GLIS1: variants seen among roughly 807,000 people sequenced by gnomAD.
GLIS1 encodes the protein zinc finger protein GLIS1.
A neutral mutation model predicts 63.8 loss-of-function variants in GLIS1; 24 were observed. That is an observed-to-expected ratio of 0.38 (90% CI 0.27 to 0.53). The LOEUF (loss-of-function observed/expected upper bound fraction) is 0.53, where lower values mean the gene tolerates loss of function less well. Ranked by LOEUF, GLIS1 falls within the 20% of genes least tolerant of loss-of-function variation. The pLI, the probability that GLIS1 is intolerant of heterozygous loss-of-function variation, is 0.85. For missense variants in GLIS1, 1,036 were observed against 1,074.1 expected, an observed-to-expected ratio of 0.96 and a Z score of 0.50; for synonymous variants, 450 against 482.5, an observed-to-expected ratio of 0.93 and a Z score of 0.88.
At position 53,600,163 on chromosome 1, in the gene GLIS1, G is replaced by A. The variant is rs1645301527; in HGVS notation, c.375C>T (p.Ser125=). The A allele has an allele frequency of 1.6e-6, 2 of 1,231,202 alleles. No homozygotes were observed. Among genetic ancestry groups the A allele is most frequent in the Admixed American group, 8.4e-5 (2 of 23,710 alleles). 76.3% of individuals were successfully genotyped at this position (1,231,202 alleles called of 1,614,324 possible). A position where few individuals can be genotyped will look rare whatever the true frequency, so the allele number is the denominator to read the frequency against. Residue 125 remains serine, a synonymous_variant, in exon 3 of 11, where the codon AGC becomes AGT. Coordinates refer to ENST00000628545, the MANE Select transcript of GLIS1 (RefSeq NM_001367484.1). The part of the protein sequence containing the change: ...CCQGLFLPAG[S]PPPRAHPQAC... ...CTTGGGGGTGAGCCCGGGGCGGTGG[G>A]CTTCCTGCAGGGAGAAACAGGCCCT...
chr1:53,597,624 A>G (rs1645272484), intron 3 of GLIS1, among the ~76,000 whole-genome samples: 1 of 152,066 alleles, frequency 6.6e-6, no homozygotes, highest in African/African-American at 2.4e-5. Context: ...GCAGGCGCCG[A>G]GAGTGGAGAG....
chr1:53,710,822 C>T (rs1007090523), intron 2 of GLIS1, among the ~76,000 whole-genome samples: 6 of 152,220 alleles, frequency 3.9e-5, no homozygotes, highest in East Asian at 1.9e-4. Flanking sequence ...CACCCTCCCA[C>T]GCATGTGAAT....
chr1:53,708,734 G>C (rs1311788192), intron 2 of GLIS1, among the ~76,000 whole-genome samples: 1 of 152,088 alleles, frequency 6.6e-6, no homozygotes, highest in African/African-American at 2.4e-5. Flanking sequence ...TCCTCCCCAG[G>C]AAGTTCTCCC....
intron 2 of GLIS1, among the ~76,000 whole-genome samples, chr1:53,680,096 C>T (rs957541397): frequency 1.3e-5 from 2 of 151,992 alleles, no homozygotes; most frequent in Non-Finnish European, 2.9e-5. Flanking sequence ...CAAATGTCTG[C>T]TGAATGAAGG....
At chr1:53,553,259 G>A (rs501339) in intron 4 of GLIS1, among the ~76,000 whole-genome samples, 6,998 of 152,194 alleles carry the variant, frequency 0.046, 433 homozygotes, top group African/African-American at 0.14. Context: ...CCCAGCACAG[G>A]AATCCACTCC....
At chr1:53,699,241 T>G (rs1646498850) in intron 2 of GLIS1, among the ~76,000 whole-genome samples, 1 of 151,948 alleles carries the variant, frequency 6.6e-6, no homozygotes, top group African/African-American at 2.4e-5. Context: ...ATTTTTATAT[T>G]TTTAGTAGGG....
At chr1:53,692,889 C>G (rs1646421836) in intron 2 of GLIS1, among the ~76,000 whole-genome samples, 2 of 152,224 alleles carry the variant, frequency 1.3e-5, no homozygotes, top group South Asian at 4.1e-4. Flanking sequence ...TTTGAGAAAC[C>G]CACTCAATCT....
chr1:53,723,661 G>T (rs1039143058), intron 2 of GLIS1, among the ~76,000 whole-genome samples: 2 of 152,150 alleles, frequency 1.3e-5, no homozygotes, highest in African/African-American at 4.8e-5. Context: ...AGTCATTACT[G>T]GGGGGTGAGA....
At chr1:53,674,171 CAAAAAAAAA>C (rs11297748) in intron 2 of GLIS1, among the ~76,000 whole-genome samples, 1 of 94,128 alleles carries the variant, frequency 1.1e-5, no homozygotes, top group Non-Finnish European at 2.2e-5. Context: ...GACTCTGTCT[CAAAAAAAAA>C]AAAAAAAAAG....
intron 2 of GLIS1, among the ~76,000 whole-genome samples, chr1:53,715,577 G>A (rs955711394): frequency 2.0e-5 from 3 of 152,162 alleles, no homozygotes; most frequent in African/African-American, 7.2e-5. Flanking sequence ...CAAGGGTGGC[G>A]GCTGGGAGAC....
chr1:53,554,835 G>A (rs1296891535), intron 4 of GLIS1, among the ~76,000 whole-genome samples: 1 of 152,176 alleles, frequency 6.6e-6, no homozygotes, highest in African/African-American at 2.4e-5. Context: ...CACACCCCCT[G>A]TCCCTGCTGA....
rs1644669445 is a variant in GLIS1 at position 53,543,802 on chromosome 1, G to A, written c.1321-13850C>T. Among the ~76,000 whole-genome samples, 3 of 152,080 alleles carry A rather than the reference G, an allele frequency of 2.0e-5. No homozygotes were observed. The South Asian group carries it at 6.2e-4, about 32-fold the overall frequency. ...TCTCGGATGTCCCAGGGGTCTGAGAGGGAAGTGGTCATCTGCCGGCCAGGC... is the reference window on the plus strand; with the variant it reads ...TCTCGGATGTCCCAGGGGTCTGAGAAGGAAGTGGTCATCTGCCGGCCAGGC... On this transcript the variant is annotated intron_variant, in intron 4 of 10. Coordinates refer to ENST00000628545, the MANE Select transcript of GLIS1 (RefSeq NM_001367484.1).
chr1:53,738,438 G>T (rs1646934142), intron 1 of GLIS1, among the ~76,000 whole-genome samples: 1 of 152,170 alleles, frequency 6.6e-6, no homozygotes, highest in Non-Finnish European at 1.5e-5. Context: ...AGCGGGTAAG[G>T]CGCCTGTTCC....
At chr1:53,529,680 T>C in intron 5 of GLIS1, 111 bp downstream of exon 5, 1 of 1,135,118 alleles carries the variant, frequency 8.8e-7, no homozygotes, top group Non-Finnish European at 1.3e-6. Flanking sequence ...AAGCATCTCC[T>C]GCCCCAAACA....
chr1:53,696,284 C>T (rs924047603), intron 2 of GLIS1, among the ~76,000 whole-genome samples: 1 of 152,206 alleles, frequency 6.6e-6, no homozygotes, highest in Non-Finnish European at 1.5e-5. Flanking sequence ...TTCTTTCCCT[C>T]GAGATCTCTG....
Position 53,646,725 on chromosome 1 carries a change from G to C in GLIS1, c.260-46447C>G, listed in dbSNP as rs895321954. Among the ~76,000 whole-genome samples, 13 of 152,146 alleles carry C rather than the reference G, an allele frequency of 8.5e-5. No homozygotes were observed. The Middle Eastern group carries it at 0.01, about 119-fold the overall frequency. ...CTTGGGAGGCTAAGGGAGGAGGACT[G>C]TTTGAACCTGGTAGGCAGAGGTTGC... On this transcript the variant is annotated intron_variant, in intron 2 of 10. Coordinates refer to ENST00000628545, the MANE Select transcript of GLIS1 (RefSeq NM_001367484.1). This position sits in a 1 kb window ranked among gnomAD's most constrained non-coding sequence, Gnocchi z 4.2.
intron 4 of GLIS1, among the ~76,000 whole-genome samples, chr1:53,562,334 AC>A (rs1644900481): frequency 6.6e-6 from 1 of 152,194 alleles, no homozygotes; most frequent in African/African-American, 2.4e-5. Flanking sequence ...GAAACAGGAC[AC>A]CAAGATTTTC....
intron 2 of GLIS1, among the ~76,000 whole-genome samples, chr1:53,695,362 G>A (rs111755955): frequency 2.0e-5 from 3 of 152,218 alleles, no homozygotes; most frequent in Non-Finnish European, 2.9e-5. Context: ...ATGAAGGAGC[G>A]GCATGAGAGA....
chr1:53,556,967 GGTGT>G (rs921776559), intron 4 of GLIS1, among the ~76,000 whole-genome samples: 1 of 151,090 alleles, frequency 6.6e-6, no homozygotes, highest in East Asian at 1.9e-4. Flanking sequence ...GCATACTGCA[GGTGT>G]GTGTGTGCAG....
Sources: allele counts gnomAD v4.1 joint callset (sites outside exome capture counted in the v4.1 genomes callset), GRCh38; gene constraint gnomAD v4.1.1; non-coding constraint Gnocchi (gnomAD v3.1); transcripts MANE v1.5; gene names NCBI Gene and HGNC (gene_info 2026-07-23, HGNC 2026-07-21).